Variants in SEMA6D observed in about 807,000 individuals in gnomAD.
The protein encoded by SEMA6D is semaphorin 6D, also known as semaphorin-6D.
Under a neutral mutation model 106.6 loss-of-function variants are expected in SEMA6D, and 35 were observed. The ratio of observed to expected loss-of-function variants is 0.33; its 90% confidence interval spans 0.25 to 0.44. SEMA6D has a LOEUF of 0.44. Ranked by LOEUF, SEMA6D falls within the 20% of genes least tolerant of loss-of-function variation. The pLI is 1.00. For synonymous variants in SEMA6D, 499 were observed against 487.7 expected (o/e 1.02, Z -0.31); for missense variants, 1,185 against 1,345.9 (o/e 0.88, Z 1.87).
intron 4 of SEMA6D, among the ~76,000 whole-genome samples, chr15:47,694,477 G>A (rs1346939620): frequency 2.0e-5 from 3 of 152,024 alleles, no homozygotes; most frequent in Non-Finnish European, 4.4e-5. Context: ...TAGAAAAAAA[G>A]CTTCTTTCTT....
intron 1 of SEMA6D, among the ~76,000 whole-genome samples, chr15:47,363,664 A>G (rs1054162603): frequency 3.3e-5 from 5 of 152,240 alleles, no homozygotes; most frequent in African/African-American, 7.2e-5. Flanking sequence ...AGGGCAAGGT[A>G]AAATCTGTGA....
chr15:47,703,556 G>A (rs753682049), intron 4 of SEMA6D, among the ~76,000 whole-genome samples: 5 of 152,042 alleles, frequency 3.3e-5, no homozygotes, highest in Non-Finnish European at 5.9e-5. Context: ...CCCAATTTGT[G>A]ACAATTTCCA....
intron 1 of SEMA6D, among the ~76,000 whole-genome samples, chr15:47,252,514 T>A (rs1301795766): frequency 6.6e-6 from 1 of 152,138 alleles, no homozygotes; most frequent in East Asian, 1.9e-4. Context: ...ATCTAACTGT[T>A]ACTTTGTACC....
intron 3 of SEMA6D, among the ~76,000 whole-genome samples, chr15:47,593,913 A>G (rs2076489615): frequency 6.6e-6 from 1 of 152,204 alleles, no homozygotes; most frequent in Non-Finnish European, 1.5e-5. Context: ...GTGCTAAACC[A>G]TTCATGAAGG....
chr15:47,205,286 A>T (rs1417077967), intron 1 of SEMA6D, among the ~76,000 whole-genome samples: 1 of 152,130 alleles, frequency 6.6e-6, no homozygotes, highest in African/African-American at 2.4e-5. Flanking sequence ...TGAAAATTTG[A>T]TGTGATTAAC....
chr15:47,700,674 T>C (rs573014274), intron 4 of SEMA6D, among the ~76,000 whole-genome samples: 1 of 152,276 alleles, frequency 6.6e-6, no homozygotes, highest in East Asian at 1.9e-4. Context: ...CCTGTAGTCC[T>C]TGGTATTTGG....
intron 1 of SEMA6D, among the ~76,000 whole-genome samples, chr15:47,409,734 A>G (rs1183120634): frequency 6.6e-6 from 1 of 152,132 alleles, no homozygotes; most frequent in African/African-American, 2.4e-5. Context: ...TAAGGTTAAG[A>G]CCAGTATCCT....
rs16959505 is a variant in SEMA6D, at chr15:47,442,248, A to G, written c.-158-28226A>G. 8.1e-3 allele frequency among the ~76,000 whole-genome samples: 1,235 copies of G among 152,162 alleles called. 10 individuals are homozygous for G. Among genetic ancestry groups the G allele is most frequent in the African/African-American group, 0.028 (1,162 of 41,534 alleles). On this transcript the variant is annotated intron_variant, in intron 2 of 19. Coordinates refer to the SEMA6D transcript ENST00000558014. The stretch of plus-strand genomic sequence containing the variant: ...CCACTATTTCCAAGATGTGTGACCT[A>G]CTTGCCAATCCTTGAGACACTTAGA...
At chr15:47,729,139 A>C (rs1010226335) in intron 1 of SEMA6D, among the ~76,000 whole-genome samples, 2 of 152,184 alleles carry the variant, frequency 1.3e-5, no homozygotes, top group African/African-American at 4.8e-5. Flanking sequence ...TCAATTACTC[A>C]CTATAAACCC....
chr15:47,610,720 A>G (rs1689374420), intron 4 of SEMA6D, among the ~76,000 whole-genome samples: 1 of 152,334 alleles, frequency 6.6e-6, no homozygotes, highest in Admixed American at 6.5e-5. Context: ...GCAATACTCT[A>G]TGCTAAAATA....
intron 1 of SEMA6D, among the ~76,000 whole-genome samples, chr15:47,264,097 A>G (rs1016838786): frequency 8.5e-5 from 13 of 152,124 alleles, no homozygotes; most frequent in African/African-American, 2.9e-4. Context: ...ACACAGAAAC[A>G]AAAAAGCAAA....
intron 1 of SEMA6D, among the ~76,000 whole-genome samples, chr15:47,226,911 T>G (rs538204947): frequency 6.6e-6 from 1 of 152,196 alleles, no homozygotes; most frequent in African/African-American, 2.4e-5. Context: ...TTTATTTTTC[T>G]AATTGTCTTT....
intron 4 of SEMA6D, among the ~76,000 whole-genome samples, chr15:47,678,993 T>TAA (rs2078296418): frequency 2.0e-5 from 3 of 152,176 alleles, no homozygotes; most frequent in African/African-American, 4.8e-5. Context: ...TTTCTGTCCT[T>TAA]ACGAATGCTG....
At chr15:47,503,663 A>T (rs143061510) in intron 3 of SEMA6D, among the ~76,000 whole-genome samples, 1 of 149,288 alleles carries the variant, frequency 6.7e-6, no homozygotes, top group African/African-American at 2.5e-5. Context: ...GTCTGTGCAC[A>T]TGCAGGGGTG....
At chr15:47,447,741 A>G (rs547824639) in intron 2 of SEMA6D, among the ~76,000 whole-genome samples, 2 of 152,282 alleles carry the variant, frequency 1.3e-5, no homozygotes, top group Admixed American at 6.5e-5. Context: ...ACCCCAATTT[A>G]TTGCTGATTG....
At chr15:47,191,657 T>C (rs1356141598) in intron 1 of SEMA6D, among the ~76,000 whole-genome samples, 1 of 152,214 alleles carries the variant, frequency 6.6e-6, no homozygotes, top group Non-Finnish European at 1.5e-5. Context: ...TGAAGGTATT[T>C]AGAATACAAT....
intron 1 of SEMA6D, among the ~76,000 whole-genome samples, chr15:47,308,651 G>T (rs187600671): frequency 6.6e-6 from 1 of 152,136 alleles, no homozygotes; most frequent in African/African-American, 2.4e-5. Flanking sequence ...TGACAATGCC[G>T]TGAAGAGTTG....
rs1199675429 is a variant in SEMA6D, at chr15:47,765,357, A to T, written c.1427+301A>T. 12 of 1,163,100 alleles carry T rather than the reference A, an allele frequency of 1.0e-5. No individual in the cohort carries two copies. The African/African-American group carries it at 1.9e-4, about 18-fold the overall frequency. 72.0% of individuals were successfully genotyped at this position (1,163,100 alleles called of 1,614,324 possible). A position where few individuals can be genotyped will look rare whatever the true frequency, so the allele number is the denominator to read the frequency against. On this transcript the variant is annotated intron_variant, in intron 13 of 18. Coordinates refer to ENST00000536845, the MANE Select transcript of SEMA6D (RefSeq NM_001358351.3). Reference sequence around the variant, plus strand: ...AGATATATTCCAAGATGCTACATGCAGCAGACAGCTGTGAGCTTGCATACA... The same window carrying T: ...AGATATATTCCAAGATGCTACATGCTGCAGACAGCTGTGAGCTTGCATACA...
chr15:47,391,235 T>TGGTCC (rs912999172), intron 1 of SEMA6D, among the ~76,000 whole-genome samples: 1 of 152,196 alleles, frequency 6.6e-6, no homozygotes, highest in African/African-American at 2.4e-5. Flanking sequence ...AGCTGCTCTT[T>TGGTCC]GGTCCATACA....
Sources: gnomAD v4.1 joint callset for allele counts (sites outside exome capture counted in the v4.1 genomes callset) on GRCh38, gnomAD v4.1.1 for gene constraint, MANE v1.5 for transcripts, NCBI Gene and HGNC (gene_info 2026-07-23, HGNC 2026-07-21) for gene names.